Variants in STX6 observed in about 807,000 individuals in gnomAD.
STX6 encodes syntaxin-6.
A neutral mutation model predicts 38.0 loss-of-function variants in STX6; 23 were observed. The ratio of observed to expected loss-of-function variants is 0.60; its 90% CI spans 0.43 to 0.86. STX6 has a LOEUF of 0.86. Ranked by LOEUF, STX6 falls within the 40% of genes least tolerant of loss-of-function variation. The probability of loss-of-function intolerance (pLI) is 0.00; values close to 1 mark genes in which losing one functional copy is unlikely to be tolerated. For synonymous variants in STX6, 123 were observed against 107.5 expected (o/e 1.14, Z -0.89); for missense variants, 274 against 312.9 (o/e 0.88, Z 0.94).
chr1:180,976,699 G>A lies in STX6; in HGVS notation c.692-53C>T, dbSNP rs1310615930. On this transcript the variant is annotated intron_variant, in intron 7 of 7. Coordinates refer to ENST00000258301, the MANE Select transcript of STX6 (RefSeq NM_005819.6). ...CTCACAGGGACTCCACATTCCCCAAGATACAGTTATATGGAATTTATGGCA... is the reference window on the plus strand; with the variant it reads ...CTCACAGGGACTCCACATTCCCCAAAATACAGTTATATGGAATTTATGGCA... 5.8e-6 allele frequency: 9 copies of A among 1,539,220 alleles called. 1 individual carries two copies. Among genetic ancestry groups the A allele is most frequent in the African/African-American group, 2.7e-5 (2 of 73,434 alleles).
chr1:180,994,225 A>G (rs781084075), intron 3 of STX6, among the ~76,000 whole-genome samples: 3 of 152,246 alleles, frequency 2.0e-5, no homozygotes, highest in Non-Finnish European at 2.9e-5. Context: ...GGTCGTCAAA[A>G]TATAATTTAT....
intron 7 of STX6, among the ~76,000 whole-genome samples, chr1:180,980,300 A>G (rs985152307): frequency 1.6e-4 from 23 of 147,628 alleles, no homozygotes; most frequent in African/African-American, 5.0e-4. Context: ...GCAAATTAAA[A>G]CAAGAAACAA....
At chr1:181,008,249 G>C (rs1171476327) in intron 1 of STX6, among the ~76,000 whole-genome samples, 2 of 152,088 alleles carry the variant, frequency 1.3e-5, no homozygotes, top group African/African-American at 4.8e-5. Flanking sequence ...TCAGTCATTA[G>C]GGCGCTTTGT....
intron 7 of STX6, among the ~76,000 whole-genome samples, chr1:180,979,672 C>T (rs1181750727): frequency 6.6e-6 from 1 of 152,136 alleles, no homozygotes; most frequent in Non-Finnish European, 1.5e-5. Flanking sequence ...CACTATATAT[C>T]CATGAAATAA....
chr1:181,022,532 C>G, intron 1 of STX6, 107 bp downstream of exon 1: 1 of 1,192,346 alleles, frequency 8.4e-7, no homozygotes, highest in Admixed American at 2.0e-5. Context: ...GTTCCCCCTC[C>G]CCAGCTCCAA....
intron 1 of STX6, 84 bp downstream of exon 1, chr1:181,022,555 C>G (rs1009244439): frequency 1.4e-6 from 2 of 1,426,668 alleles, no homozygotes. Context: ...TGCCTCCCCT[C>G]CCCCCACTGC....
chr1:180,998,066 T>C (rs1655963729), intron 3 of STX6, among the ~76,000 whole-genome samples: 1 of 152,204 alleles, frequency 6.6e-6, no homozygotes, highest in Non-Finnish European at 1.5e-5. Flanking sequence ...CTGCCCTGCA[T>C]TGGGAGGAAA....
intron 1 of STX6, among the ~76,000 whole-genome samples, chr1:181,022,150 T>C (rs1434421174): frequency 6.6e-6 from 1 of 151,270 alleles, no homozygotes; most frequent in Non-Finnish European, 1.5e-5. Flanking sequence ...GGGCTTGTTG[T>C]GGTCTCGCCA....
At chr1:181,022,545 T>C (rs1314358672) in intron 1 of STX6, 94 bp downstream of exon 1, 1 of 1,339,784 alleles carries the variant, frequency 7.5e-7, no homozygotes, top group East Asian at 2.5e-5. Context: ...AGCTCCAACT[T>C]GCCTCCCCTC....
intron 1 of STX6, among the ~76,000 whole-genome samples, chr1:181,022,229 T>G (rs1345065718): frequency 1.3e-5 from 2 of 151,726 alleles, no homozygotes; most frequent in South Asian, 2.1e-4. Context: ...ACTACAAAGC[T>G]CAGGAGGGCC....
Position 181,005,457 on chromosome 1 carries a change from T to C in STX6, c.42A>G (p.Val14=). The C allele has an allele frequency of 6.2e-7, 1 of 1,612,804 alleles. No individual in the cohort carries two copies. The highest frequency in any genetic ancestry group is 8.5e-7 in the Non-Finnish European group (1 of 1,179,384). The change falls in exon 2 of 8, where the codon GTA becomes GTG. Residue 14 remains valine (V), a synonymous_variant. Transcript: ENST00000258301. ...EDPFFVVKGE[V]QKAVNTAQGL... ...CCTGGGCAGTGTTGACTGCTTTCTG[T>C]ACCTCTCTGTAATCAAGATGAGGCA...
intron 7 of STX6, 76 bp downstream of exon 7, chr1:180,984,601 T>C (rs1008153011): frequency 1.7e-6 from 1 of 597,106 alleles, no homozygotes; most frequent in Non-Finnish European, 3.0e-6. Context: ...TGGATGGGCA[T>C]AACTATGAGA....
chr1:180,976,721 G>A (rs1655267818), intron 7 of STX6, 75 bp from the exon 8 acceptor site: 1 of 1,428,592 alleles, frequency 7.0e-7, no homozygotes. Flanking sequence ...TGGAATTTAT[G>A]GCACCCTTTG....
At chr1:180,991,466 A>G (rs1655755599) in intron 4 of STX6, among the ~76,000 whole-genome samples, 3 of 152,216 alleles carry the variant, frequency 2.0e-5, no homozygotes, top group Admixed American at 6.5e-5. Flanking sequence ...GCTATAATGC[A>G]TCACTGGCCT....
At chr1:181,020,058 T>C (rs1015782155) in intron 1 of STX6, among the ~76,000 whole-genome samples, 1 of 151,784 alleles carries the variant, frequency 6.6e-6, no homozygotes, top group Non-Finnish European at 1.5e-5. Context: ...GTCCTAAAAA[T>C]ACAAAAATTA....
At position 180,984,664 on chromosome 1, in the gene STX6, ACGC is replaced by A; in HGVS notation, c.691+10_691+12del. ...TTAAGTACAAATGCTTAAGCTTTAA[ACGC>A]CATACATACCACTGGTCATATGAGA... is the stretch of plus-strand genomic sequence containing the variant. On this transcript the variant is annotated intron_variant, in intron 7 of 7. Coordinates refer to ENST00000258301, the MANE Select transcript of STX6 (RefSeq NM_005819.6). 1 of 1,318,732 alleles carries A rather than the reference ACGC, an allele frequency of 7.6e-7. No individual in the cohort carries two copies. Among genetic ancestry groups the A allele is most frequent in the Non-Finnish European group, 1.1e-6 (1 of 916,738 alleles). 81.7% of individuals were successfully genotyped at this position (1,318,732 alleles called of 1,614,324 possible). A position where few individuals can be genotyped will look rare whatever the true frequency, so the allele number is the denominator to read the frequency against.
intron 1 of STX6, among the ~76,000 whole-genome samples, chr1:181,013,121 G>A (rs1038190710): frequency 6.6e-6 from 1 of 151,508 alleles, no homozygotes; most frequent in Non-Finnish European, 1.5e-5. Flanking sequence ...ACTAGCCTCT[G>A]GGGCCACAAG....
chr1:180,976,732 A>C, intron 7 of STX6, 86 bp from the exon 8 acceptor site: 2 of 1,295,418 alleles, frequency 1.5e-6, no homozygotes, highest in Non-Finnish European at 2.2e-6. Context: ...GCACCCTTTG[A>C]AGCAGAAAAG....
chr1:181,012,736 A>T (rs928089836), intron 1 of STX6, among the ~76,000 whole-genome samples: 2 of 142,038 alleles, frequency 1.4e-5, no homozygotes, highest in South Asian at 4.3e-4. Context: ...GTACAATGGC[A>T]CAATCTCAGC....
Sources: gnomAD v4.1 joint callset for allele counts (sites outside exome capture counted in the v4.1 genomes callset) on GRCh38, gnomAD v4.1.1 for gene constraint, MANE v1.5 for transcripts, NCBI Gene and HGNC (gene_info 2026-07-23, HGNC 2026-07-21) for gene names.